The following TMBIM1 variants were observed in gnomAD, a reference collection of about 807,000 sequenced individuals.
TMBIM1 encodes protein lifeguard 3.
In TMBIM1, 34 loss-of-function variants were observed where a neutral mutation model predicts 45.1. The ratio of observed to expected loss-of-function variants is 0.75; its 90% CI spans 0.57 to 1.00. TMBIM1 has a LOEUF of 1.00. Ranked by LOEUF, TMBIM1 falls within the 50% of genes least tolerant of loss-of-function variation. The probability of loss-of-function intolerance (pLI) is 0.00; values close to 1 mark genes in which losing one functional copy is unlikely to be tolerated. For synonymous variants in TMBIM1, 157 were observed against 153.5 expected (o/e 1.02, Z -0.17); for missense variants, 374 against 402.4 (o/e 0.93, Z 0.60).
Position 218,274,737 on chromosome 2 carries a change from G to T in TMBIM1, c.*738C>A. 6.4e-6 allele frequency: 1 copy of T among 155,314 alleles called. No homozygotes were observed. 9.6% of individuals were successfully genotyped at this position (155,314 alleles called of 1,614,324 possible). A position where few individuals can be genotyped will look rare whatever the true frequency, so the allele number is the denominator to read the frequency against. ...GGAGGCCCCAGCAGCTTTCAAGAAT[G>T]GGGAGCAGATGGCCACATGTGGCCT... On this transcript the variant is annotated 3_prime_UTR_variant, in exon 12 of 12. Coordinates refer to ENST00000258412, the MANE Select transcript of TMBIM1 (RefSeq NM_022152.6).
intron 3 of TMBIM1, 33 bp downstream of exon 3, chr2:218,279,993 C>G (rs372779434): frequency 6.3e-6 from 10 of 1,587,320 alleles, no homozygotes; most frequent in Non-Finnish European, 7.8e-6. Flanking sequence ...CTGAGGGGCC[C>G]CAGGTACACC....
intron 10 of TMBIM1, among the ~76,000 whole-genome samples, chr2:218,276,394 A>G (rs534573270): frequency 1.4e-4 from 22 of 152,338 alleles, no homozygotes; most frequent in Admixed American, 1.2e-3. Context: ...CCAGCATTCA[A>G]TAGACCAGTT....
intron 9 of TMBIM1, 33 bp downstream of exon 9, chr2:218,277,333 G>A (rs372334457): frequency 3.9e-5 from 62 of 1,594,740 alleles, no homozygotes; most frequent in Non-Finnish European, 4.7e-5. Context: ...AAGGGGAGTC[G>A]GGGGGCCAGG....
At chr2:218,276,952 A>G (rs987256363) in intron 10 of TMBIM1, 52 bp downstream of exon 10, 31 of 1,488,216 alleles carry the variant, frequency 2.1e-5, no homozygotes, top group Non-Finnish European at 2.8e-5. Context: ...CTATATAGGA[A>G]GTCTGCCCTG....
Position 218,278,497 on chromosome 2 carries a change from TAA to T in TMBIM1, c.473+16_473+17del. On this transcript the variant is annotated intron_variant, in intron 6 of 11. Coordinates refer to ENST00000258412, the MANE Select transcript of TMBIM1 (RefSeq NM_022152.6). ...ATCCCTGTCACCCCTCTCACTGTGT[TAA>T]GTCTCTGGGACTCACCTGGGTCCCT... 1 of 1,613,612 alleles carries T rather than the reference TAA, an allele frequency of 6.2e-7. No homozygotes were observed. The highest frequency in any genetic ancestry group is 2.2e-5 in the East Asian group (1 of 44,896).
chr2:218,289,834 A>C (rs563791961), intron 1 of TMBIM1: 1 of 151,828 alleles, frequency 6.6e-6, no homozygotes, highest in Non-Finnish European at 1.5e-5. Flanking sequence ...GGCTGTCCAC[A>C]CCCTCCCAAA....
chr2:218,279,176 C>T, intron 4 of TMBIM1, 85 bp from the exon 5 acceptor site: 14 of 1,590,312 alleles, frequency 8.8e-6, no homozygotes, highest in Non-Finnish European at 1.2e-5. Context: ...GCTTCACCTT[C>T]TCTAATTGCC....
At chr2:218,289,109 G>C (rs917201102) in intron 1 of TMBIM1, among the ~76,000 whole-genome samples, 4 of 152,232 alleles carry the variant, frequency 2.6e-5, no homozygotes, top group African/African-American at 4.8e-5. Flanking sequence ...ACGCACCTGC[G>C]TGAATAGGCA....
intron 10 of TMBIM1, among the ~76,000 whole-genome samples, chr2:218,276,749 C>T (rs1399732330): frequency 2.0e-5 from 3 of 152,184 alleles, no homozygotes; most frequent in Non-Finnish European, 4.4e-5. Context: ...ATTGAACCCA[C>T]CCCTTCCCCT....
At chr2:218,278,044 A>C (rs374696335) in intron 6 of TMBIM1, 70 bp from the exon 7 acceptor site, 27 of 1,573,798 alleles carry the variant, frequency 1.7e-5, no homozygotes, top group Non-Finnish European at 2.3e-5. Flanking sequence ...CTACAGCAGA[A>C]GGAAGCGCTT....
At chr2:218,282,988 G>A (rs1320890324) in intron 1 of TMBIM1, among the ~76,000 whole-genome samples, 2 of 152,168 alleles carry the variant, frequency 1.3e-5, no homozygotes, top group African/African-American at 2.4e-5. Context: ...ACGGCCCCTC[G>A]CCCTCCCCCT....
rs1039378773 is a variant in TMBIM1 at position 218,274,291 on chromosome 2, A to G, written c.*1184T>C. ...CTCTATTAAGTAATTAATCCTAACT[A>G]TATCCTTGGGCTGATTTGATTTCTG... On this transcript the variant is annotated 3_prime_UTR_variant, in exon 12 of 12. Transcript: ENST00000258412. The G allele has an allele frequency of 1.9e-5, 3 of 154,936 alleles. No individual in the cohort carries two copies. Among genetic ancestry groups the G allele is most frequent in the Non-Finnish European group, 4.4e-5 (3 of 68,214 alleles). The allele number at this position is 154,936 out of a possible 1,614,324, so 9.6% of individuals were successfully genotyped here. A position where few individuals can be genotyped will look rare whatever the true frequency, so the allele number is the denominator to read the frequency against.
intron 1 of TMBIM1, among the ~76,000 whole-genome samples, chr2:218,283,095 G>A (rs1692201191): frequency 6.6e-6 from 1 of 152,150 alleles, no homozygotes; most frequent in Admixed American, 6.5e-5. Context: ...GGAGGACAAA[G>A]AGCTGAGGAG....
intron 1 of TMBIM1, chr2:218,285,779 G>A (rs1264376394): frequency 6.5e-6 from 1 of 152,872 alleles, no homozygotes; most frequent in East Asian, 1.9e-4. Context: ...GCAGTGCCAA[G>A]AACACTGTCA....
At chr2:218,279,660 A>G in intron 3 of TMBIM1, 3 of 488,756 alleles carry the variant, frequency 6.1e-6, no homozygotes, top group South Asian at 2.4e-5. Context: ...TGCACGCTCT[A>G]TGCAGCTGTG....
chr2:218,281,359 A>G (rs895125762), intron 2 of TMBIM1, among the ~76,000 whole-genome samples: 1 of 151,918 alleles, frequency 6.6e-6, no homozygotes, highest in Non-Finnish European at 1.5e-5. Context: ...CTGGTCTCGA[A>G]TTCCTGACCT....
In TMBIM1 at chr2:218,277,780, G is replaced by C. The variant is rs1691387233; in HGVS notation, c.514-110C>G. On this transcript the variant is annotated intron_variant, in intron 7 of 11. Transcript: ENST00000258412. ...CAGAGCTGGGGAACGCCACCAAGTT[G>C]GAAAGAGGCAGCCACAGAGGAGATC... The C allele has an allele frequency of 9.7e-6, 15 of 1,546,848 alleles. No individual in the cohort carries two copies. In the South Asian group the frequency reaches 1.7e-4, roughly 17 times the overall value.
intron 6 of TMBIM1, 63 bp from the exon 7 acceptor site, chr2:218,278,037 C>T: frequency 6.3e-7 from 1 of 1,590,356 alleles, no homozygotes; most frequent in Non-Finnish European, 8.6e-7. Context: ...GAGGCTCCTA[C>T]AGCAGAAGGA....
At chr2:218,285,453 G>A (rs1435232305) in intron 1 of TMBIM1, among the ~76,000 whole-genome samples, 2 of 152,026 alleles carry the variant, frequency 1.3e-5, no homozygotes, top group Non-Finnish European at 2.9e-5. Flanking sequence ...TGACACAAGT[G>A]GAAGCCAAAC....
Sources: allele counts gnomAD v4.1 joint callset (sites outside exome capture counted in the v4.1 genomes callset), GRCh38; gene constraint gnomAD v4.1.1; transcripts MANE v1.5; gene names NCBI Gene and HGNC (gene_info 2026-07-23, HGNC 2026-07-21).